CMTM8: variants seen among roughly 807,000 people sequenced by gnomAD.
The protein encoded by CMTM8 is CKLF-like MARVEL transmembrane domain-containing protein 8.
A neutral mutation model predicts 18.6 loss-of-function variants in CMTM8; 12 were observed. The ratio of observed to expected loss-of-function variants is 0.65; its 90% confidence interval spans 0.41 to 1.05. The LOEUF is 1.05. Ranked by LOEUF, CMTM8 falls within the 50% of genes least tolerant of loss-of-function variation. The probability of loss-of-function intolerance (pLI) is 0.00; values close to 1 mark genes in which losing one functional copy is unlikely to be tolerated. For missense variants in CMTM8, 217 were observed against 227.2 expected, an observed-to-expected ratio of 0.95 and a Z score of 0.29; for synonymous variants, 87 against 90.6, an observed-to-expected ratio of 0.96 and a Z score of 0.23.
chr3:32,252,011 G>C (rs1402292922), intron 1 of CMTM8, among the ~76,000 whole-genome samples: 1 of 152,048 alleles, frequency 6.6e-6, no homozygotes, highest in Non-Finnish European at 1.5e-5. Context: ...GATGGCTTGA[G>C]CCCAGGAAGT....
In CMTM8 at chr3:32,319,074, A is replaced by ATTTTTTTTTTTTTT. The variant is rs1177949113; in HGVS notation, c.148-38291_148-38278dup. Among the ~76,000 whole-genome samples, 8 of 31,528 alleles carry ATTTTTTTTTTTTTT rather than the reference A, an allele frequency of 2.5e-4. 1 individual carries two copies. The highest frequency in any genetic ancestry group is 9.2e-4 in the African/African-American group (6 of 6,550). 20.7% of individuals were successfully genotyped at this position (31,528 alleles called of 152,430 possible). On this transcript the variant is annotated intron_variant, in intron 1 of 3. Transcript: ENST00000307526. ...TGTATATACATATATATATATATATATTTTTTTTTTTTTTTTTTTTTGAGA... is the reference window on the plus strand; with the variant it reads ...TGTATATACATATATATATATATATATTTTTTTTTTTTTTTTTTTTTTTTTTTTTTTTTTTGAGA...
At chr3:32,241,770 A>G (rs1701948017) in intron 1 of CMTM8, among the ~76,000 whole-genome samples, 1 of 152,232 alleles carries the variant, frequency 6.6e-6, no homozygotes, top group Non-Finnish European at 1.5e-5. Flanking sequence ...TTGACCTATG[A>G]CACTGTAAAT....
At chr3:32,331,443 T>TG (rs896629327) in intron 1 of CMTM8, among the ~76,000 whole-genome samples, 4 of 151,616 alleles carry the variant, frequency 2.6e-5, no homozygotes, top group Non-Finnish European at 5.9e-5. Flanking sequence ...ATGTACTATA[T>TG]GACCCAACAA....
intron 1 of CMTM8, among the ~76,000 whole-genome samples, chr3:32,250,193 T>A (rs934158731): frequency 1.1e-4 from 16 of 152,342 alleles, no homozygotes; most frequent in African/African-American, 3.6e-4. Context: ...AATATAATGG[T>A]TTATTTCTGG....
chr3:32,246,918 A>T (rs1316727635), intron 1 of CMTM8, among the ~76,000 whole-genome samples: 2 of 152,084 alleles, frequency 1.3e-5, no homozygotes, highest in Non-Finnish European at 2.9e-5. Context: ...CCTGGCCAAC[A>T]TAACAAAACT....
At chr3:32,256,959 T>C (rs1264556536) in intron 1 of CMTM8, among the ~76,000 whole-genome samples, 1 of 152,158 alleles carries the variant, frequency 6.6e-6, no homozygotes, top group Non-Finnish European at 1.5e-5. Flanking sequence ...TGGTCTTTTT[T>C]CCCTCCCTAG....
chr3:32,314,159 G>A (rs1695876864), intron 1 of CMTM8, among the ~76,000 whole-genome samples: 2 of 152,322 alleles, frequency 1.3e-5, no homozygotes, highest in East Asian at 3.9e-4. Context: ...CAAAAGTAAA[G>A]CATCATTACT....
chr3:32,338,834 T>C (rs1426608465), intron 1 of CMTM8, among the ~76,000 whole-genome samples: 1 of 152,234 alleles, frequency 6.6e-6, no homozygotes, highest in East Asian at 1.9e-4. Context: ...CAGTTCTGGC[T>C]CAGGTGTTTT....
chr3:32,307,185 C>T (rs1276660808), intron 1 of CMTM8, among the ~76,000 whole-genome samples: 1 of 152,080 alleles, frequency 6.6e-6, no homozygotes, highest in African/African-American at 2.4e-5. Context: ...ACTAAAAATA[C>T]AAAAATTAGC....
Position 32,255,621 on chromosome 3 carries a change from T to C in CMTM8, c.147+16502T>C, listed in dbSNP as rs181824662. ...TGAAAGTGGTAAACTTTTTGAGTCA[T>C]TGCACATCCATTTCATCTTTCTTTT... On this transcript the variant is annotated intron_variant, in intron 1 of 3. Coordinates refer to ENST00000307526, the MANE Select transcript of CMTM8 (RefSeq NM_178868.5). Among the ~76,000 whole-genome samples the C allele has an allele frequency of 2.7e-3, 412 of 152,320 alleles. 2 individuals are homozygous for C. The highest frequency in any genetic ancestry group is 9.4e-3 in the African/African-American group (390 of 41,572).
rs957612898 is a variant in CMTM8, at chr3:32,296,615, T to C, written c.147+57496T>C. On this transcript the variant is annotated intron_variant, in intron 1 of 3. Transcript: ENST00000307526. ...ACCCTGGAATGATCACTTACCATTCTGGGGCATTTATTAAATGACCCACTG... is the reference window on the plus strand; with the variant it reads ...ACCCTGGAATGATCACTTACCATTCCGGGGCATTTATTAAATGACCCACTG... Among the ~76,000 whole-genome samples, 5 of 152,224 alleles carry C rather than the reference T, an allele frequency of 3.3e-5. No homozygotes were observed. The East Asian group carries it at 9.6e-4, about 29-fold the overall frequency.
intron 1 of CMTM8, among the ~76,000 whole-genome samples, chr3:32,301,159 C>T (rs79953371): frequency 1.7e-3 from 254 of 152,072 alleles, no homozygotes; most frequent in Non-Finnish European, 2.6e-3. Context: ...GACATTAACC[C>T]GGTTTGTTTC....
chr3:32,319,994 G>A (rs1183039559), intron 1 of CMTM8, among the ~76,000 whole-genome samples: 1 of 152,172 alleles, frequency 6.6e-6, no homozygotes, highest in Non-Finnish European at 1.5e-5. Flanking sequence ...TTTAGGAGAG[G>A]CAGCACCAGG....
intron 1 of CMTM8, among the ~76,000 whole-genome samples, chr3:32,353,631 G>T (rs1297015344): frequency 6.6e-6 from 1 of 152,112 alleles, no homozygotes; most frequent in Non-Finnish European, 1.5e-5. Flanking sequence ...TATTTATAAG[G>T]AAGAAAGAGA....
chr3:32,261,159 G>T, intron 1 of CMTM8, among the ~76,000 whole-genome samples: 1 of 142,414 alleles, frequency 7.0e-6, no homozygotes, highest in Non-Finnish European at 1.5e-5. Flanking sequence ...GAGTGAGACT[G>T]TGTCCATCTC....
intron 1 of CMTM8, among the ~76,000 whole-genome samples, chr3:32,293,077 G>GTA (rs61467491): frequency 0.19 from 28,075 of 145,602 alleles, 2,735 homozygotes; most frequent in Admixed American, 0.23. Flanking sequence ...ATATGTGTGT[G>GTA]TATATATATA....
chr3:32,295,652 G>C (rs1702865731), intron 1 of CMTM8, among the ~76,000 whole-genome samples: 1 of 151,954 alleles, frequency 6.6e-6, no homozygotes, highest in Non-Finnish European at 1.5e-5. Flanking sequence ...CAGGAAGGAT[G>C]ACTGCCCTTC....
intron 2 of CMTM8, among the ~76,000 whole-genome samples, chr3:32,357,905 G>C (rs187050960): frequency 6.6e-6 from 1 of 152,164 alleles, no homozygotes; most frequent in African/African-American, 2.4e-5. Flanking sequence ...TCTGCAGATC[G>C]TGCTTCCTAT....
chr3:32,268,909 T>G (rs1702392144), intron 1 of CMTM8, among the ~76,000 whole-genome samples: 1 of 152,122 alleles, frequency 6.6e-6, no homozygotes, highest in Non-Finnish European at 1.5e-5. Context: ...TGCCGCTTTC[T>G]GGGGGGAAAA....
Sources: allele counts gnomAD v4.1 joint callset (sites outside exome capture counted in the v4.1 genomes callset), GRCh38; gene constraint gnomAD v4.1.1; transcripts MANE v1.5; gene names NCBI Gene and HGNC (gene_info 2026-07-23, HGNC 2026-07-21).